The following SLC9B1 variants were observed in gnomAD, a reference collection of about 807,000 sequenced individuals.
The protein encoded by SLC9B1 is sodium/hydrogen exchanger 9B1.
Under a neutral mutation model 51.7 loss-of-function variants are expected in SLC9B1, and 32 were observed. The ratio of observed to expected loss-of-function variants is 0.62; its 90% CI spans 0.47 to 0.83. The LOEUF (loss-of-function observed/expected upper bound fraction) is 0.83, where lower values mean the gene tolerates loss of function less well. Ranked by LOEUF, SLC9B1 falls within the 40% of genes least tolerant of loss-of-function variation. The pLI, the probability that SLC9B1 is intolerant of heterozygous loss-of-function variation, is 0.00. For missense variants in SLC9B1, 406 were observed against 613.2 expected, an observed-to-expected ratio of 0.66 and a Z score of 3.57; for synonymous variants, 145 against 212.7, an observed-to-expected ratio of 0.68 and a Z score of 2.77.
intron 1 of SLC9B1, among the ~76,000 whole-genome samples, chr4:103,019,261 G>A (rs1741607545): frequency 6.6e-6 from 1 of 152,172 alleles, no homozygotes; most frequent in South Asian, 2.1e-4. Flanking sequence ...TCCACCGTTT[G>A]TAAAATAGTA....
At chr4:102,960,781 G>A (rs1738068300) in intron 3 of SLC9B1, among the ~76,000 whole-genome samples, 1 of 149,496 alleles carries the variant, frequency 6.7e-6, no homozygotes. Flanking sequence ...TGCCCAGGCT[G>A]GAGTGCAATG....
chr4:102,981,497 C>T (rs1281461092), intron 3 of SLC9B1, among the ~76,000 whole-genome samples: 2 of 152,130 alleles, frequency 1.3e-5, no homozygotes, highest in East Asian at 1.9e-4. Context: ...CCTGTTGCTC[C>T]GTACCCTTGC....
At chr4:102,905,074 C>T (rs1309162608) in intron 11 of SLC9B1, among the ~76,000 whole-genome samples, 1 of 151,504 alleles carries the variant, frequency 6.6e-6, no homozygotes, top group Non-Finnish European at 1.5e-5. Flanking sequence ...GAATTGTTTG[C>T]GCCCAGGAGG....
chr4:102,957,132 C>T (rs528036253), intron 3 of SLC9B1, among the ~76,000 whole-genome samples: 32 of 151,430 alleles, frequency 2.1e-4, no homozygotes, highest in Admixed American at 9.9e-4. Context: ...ATCTGAAGAA[C>T]AAAAAGAAAA....
chr4:102,886,333 C>CA (rs1025324416), intron 11 of SLC9B1, among the ~76,000 whole-genome samples: 47 of 151,258 alleles, frequency 3.1e-4, no homozygotes, highest in Non-Finnish European at 2.1e-4. Context: ...CTAAAAAATA[C>CA]AAAAAAAATT....
At chr4:102,921,637 C>T (rs1160256623) in intron 7 of SLC9B1, among the ~76,000 whole-genome samples, 1 of 152,122 alleles carries the variant, frequency 6.6e-6, no homozygotes, top group Non-Finnish European at 1.5e-5. Context: ...AGAGTCAAGA[C>T]CCATCAGTGT....
intron 3 of SLC9B1, among the ~76,000 whole-genome samples, chr4:102,956,941 T>C (rs1378469465): frequency 1.3e-5 from 2 of 152,100 alleles, no homozygotes; most frequent in South Asian, 2.1e-4. Context: ...ATTAAAAATA[T>C]GATAATGTGC....
At chr4:102,995,247 T>G (rs1481628767) in intron 1 of SLC9B1, among the ~76,000 whole-genome samples, 2 of 152,222 alleles carry the variant, frequency 1.3e-5, no homozygotes, top group Admixed American at 1.3e-4. Flanking sequence ...CTCATGGATC[T>G]TATACTCTTG....
intron 1 of SLC9B1, among the ~76,000 whole-genome samples, chr4:103,011,757 G>C (rs1741096955): frequency 1.3e-5 from 2 of 152,174 alleles, no homozygotes; most frequent in Non-Finnish European, 2.9e-5. Flanking sequence ...TGTGGCTAAG[G>C]AATGCTGAGC....
At chr4:103,002,947 T>C (rs1344424323) in intron 1 of SLC9B1, among the ~76,000 whole-genome samples, 1 of 152,212 alleles carries the variant, frequency 6.6e-6, no homozygotes. Flanking sequence ...CTAACATTCC[T>C]TCTGACACCC....
chr4:102,927,838 A>G (rs984810319), intron 7 of SLC9B1, among the ~76,000 whole-genome samples: 7 of 152,328 alleles, frequency 4.6e-5, no homozygotes, highest in Admixed American at 3.3e-4. Context: ...ATGTCCATCA[A>G]TGATGGACTG....
chr4:103,011,583 C>T (rs1257241559), intron 1 of SLC9B1, among the ~76,000 whole-genome samples: 2 of 152,180 alleles, frequency 1.3e-5, no homozygotes, highest in Admixed American at 1.3e-4. Flanking sequence ...GCTGACCTCA[C>T]ACCTCTGGCA....
rs1220985166 is a variant in SLC9B1 at position 102,974,241 on chromosome 4, TG to T, written c.211+15558del. On this transcript the variant is annotated intron_variant, in intron 3 of 11. Coordinates refer to ENST00000296422, the MANE Select transcript of SLC9B1 (RefSeq NM_139173.4). Reference sequence around the variant, plus strand: ...AACAGAGCAAGACTCTGTCTAAAATTGAAAAAAAAAAAAAAAAAAAAAAAAT... The same window carrying T: ...AACAGAGCAAGACTCTGTCTAAAATTAAAAAAAAAAAAAAAAAAAAAAAAT... 9.4e-3 allele frequency among the ~76,000 whole-genome samples: 158 copies of T among 16,762 alleles called. 2 individuals are homozygous for T. Among genetic ancestry groups the T allele is most frequent in the African/African-American group, 0.026 (142 of 5,456 alleles). 11.0% of individuals were successfully genotyped at this position (16,762 alleles called of 152,430 possible). A position where few individuals can be genotyped will look rare whatever the true frequency, so the allele number is the denominator to read the frequency against.
intron 7 of SLC9B1, among the ~76,000 whole-genome samples, chr4:102,915,392 A>T (rs1161590815): frequency 1.3e-5 from 2 of 152,034 alleles, no homozygotes; most frequent in African/African-American, 2.4e-5. Flanking sequence ...TTTTTTCTTT[A>T]CTTTTTTCTT....
chr4:102,949,072 G>A (rs1443585395), intron 4 of SLC9B1, among the ~76,000 whole-genome samples, 185 bp downstream of exon 4: 1 of 152,016 alleles, frequency 6.6e-6, no homozygotes. Context: ...TATGTAGACA[G>A]AGAAATAAAT....
intron 7 of SLC9B1, among the ~76,000 whole-genome samples, chr4:102,928,599 C>T (rs1439449459): frequency 2.6e-5 from 4 of 152,260 alleles, no homozygotes; most frequent in Non-Finnish European, 4.4e-5. Context: ...ACTCCATTAC[C>T]TTGGTATCAA....
At chr4:102,915,911 C>T (rs1735555953) in intron 7 of SLC9B1, among the ~76,000 whole-genome samples, 1 of 151,634 alleles carries the variant, frequency 6.6e-6, no homozygotes, top group South Asian at 2.1e-4. Context: ...TCTACAGTAA[C>T]CACAAAGAAA....
chr4:102,941,348 C>T (rs1454066408), intron 6 of SLC9B1: 2 of 384,988 alleles, frequency 5.2e-6, no homozygotes, highest in Non-Finnish European at 5.3e-6. Flanking sequence ...GGACCAGACA[C>T]TTCTCAAAAG....
intron 3 of SLC9B1, among the ~76,000 whole-genome samples, chr4:102,982,282 TACC>T (rs760960198): frequency 6.6e-6 from 1 of 152,164 alleles, no homozygotes; most frequent in Non-Finnish European, 1.5e-5. Flanking sequence ...CTTTTACCAA[TACC>T]ACATTGTCCT....
Sources: gnomAD v4.1 joint callset for allele counts (sites outside exome capture counted in the v4.1 genomes callset) on GRCh38, gnomAD v4.1.1 for gene constraint, MANE v1.5 for transcripts, NCBI Gene and HGNC (gene_info 2026-07-23, HGNC 2026-07-21) for gene names.